The following IGFBPL1 variants were observed in gnomAD, a reference collection of about 807,000 sequenced individuals.
IGFBPL1 encodes the protein insulin-like growth factor-binding protein-like 1.
A neutral mutation model predicts 23.9 loss-of-function variants in IGFBPL1; 20 were observed. That is an observed-to-expected ratio of 0.84 (90% CI 0.59 to 1.22). The LOEUF (loss-of-function observed/expected upper bound fraction) is 1.22. Ranked by LOEUF, IGFBPL1 falls within the 50% of genes most tolerant of loss-of-function variation. The pLI, the probability that IGFBPL1 is intolerant of heterozygous loss-of-function variation, is 0.00. For missense variants in IGFBPL1, 436 were observed against 379.3 expected, an observed-to-expected ratio of 1.15 and a Z score of -1.24; for synonymous variants, 184 against 171.8, an observed-to-expected ratio of 1.07 and a Z score of -0.56.
intron 4 of IGFBPL1, among the ~76,000 whole-genome samples, chr9:38,409,647 T>C (rs936863630): frequency 2.0e-5 from 3 of 152,170 alleles, no homozygotes; most frequent in Non-Finnish European, 2.9e-5. Context: ...AAAATATACG[T>C]GTATTTGAAA....
chr9:38,418,580 G>A (rs530926576), intron 1 of IGFBPL1, among the ~76,000 whole-genome samples: 2 of 152,250 alleles, frequency 1.3e-5, no homozygotes, highest in South Asian at 4.1e-4. Context: ...TACTCTTACT[G>A]TTGCCAGAGC....
chr9:38,414,226 C>CA (rs1563919630), intron 1 of IGFBPL1, 23 bp from the exon 2 acceptor site: 1 of 1,479,760 alleles, frequency 6.8e-7, no homozygotes. Context: ...GACAAGGAGA[C>CA]GCAGCCTTTA....
rs1035972328 is a variant in IGFBPL1, at chr9:38,407,182, G to A, written c.*2045C>T. 3.9e-5 allele frequency among the ~76,000 whole-genome samples: 6 copies of A among 152,226 alleles called. No individual in the cohort carries two copies. Among genetic ancestry groups the A allele is most frequent in the African/African-American group, 1.2e-4 (5 of 41,460 alleles). ...GTGGATGTGAGCAGGTCCCCTGGCAGCTCCAAACCCCAGTAGACAAGAACA... is the reference window on the plus strand; with the variant it reads ...GTGGATGTGAGCAGGTCCCCTGGCAACTCCAAACCCCAGTAGACAAGAACA... On this transcript the variant is annotated 3_prime_UTR_variant, in exon 5 of 5. Coordinates refer to ENST00000377694, the MANE Select transcript of IGFBPL1 (RefSeq NM_001007563.3).
chr9:38,420,330 C>A (rs1462373194), intron 1 of IGFBPL1, among the ~76,000 whole-genome samples: 1 of 152,170 alleles, frequency 6.6e-6, no homozygotes, highest in African/African-American at 2.4e-5. Context: ...TGCTGTGCCT[C>A]CCCCTTGCTA....
At chr9:38,413,213 T>C (rs1397094251) in intron 3 of IGFBPL1, 24 bp downstream of exon 3, 3 of 1,355,018 alleles carry the variant, frequency 2.2e-6, no homozygotes, top group African/African-American at 2.9e-5. Flanking sequence ...CAGTCAATAA[T>C]ATCCAATAAT....
At chr9:38,417,736 C>T (rs1045040550) in intron 1 of IGFBPL1, among the ~76,000 whole-genome samples, 1 of 152,152 alleles carries the variant, frequency 6.6e-6, no homozygotes, top group African/African-American at 2.4e-5. Context: ...AAGAGCCCTC[C>T]CCATGGAGTC....
In IGFBPL1 at chr9:38,414,299, TC is replaced by T. The variant is rs532060142; in HGVS notation, c.461-97del. On this transcript the variant is annotated intron_variant, in intron 1 of 4. Transcript: ENST00000377694. The stretch of plus-strand genomic sequence containing the variant: ...CTGCCGCGGAGAGCCCGCTGTGATG[TC>T]CTGACATGAGGGGAGCGGCACATCA... 5.1e-4 allele frequency: 351 copies of T among 688,420 alleles called. 1 individual carries two copies. In the South Asian group the frequency reaches 6.0e-3, roughly 12 times the overall value. 42.6% of individuals were successfully genotyped at this position (688,420 alleles called of 1,614,324 possible). A position where few individuals can be genotyped will look rare whatever the true frequency, so the allele number is the denominator to read the frequency against.
intron 1 of IGFBPL1, among the ~76,000 whole-genome samples, chr9:38,421,356 C>T (rs1402211167): frequency 6.6e-6 from 1 of 151,244 alleles, no homozygotes; most frequent in Non-Finnish European, 1.5e-5. Flanking sequence ...GTGAGTCTTC[C>T]ATACATGTGT....
In IGFBPL1 at chr9:38,424,442, C is replaced by T. The variant is rs180994107; in HGVS notation, c.-18G>A. 1,774 of 524,540 alleles carry T rather than the reference C, an allele frequency of 3.4e-3. 31 individuals are homozygous for T. Among genetic ancestry groups the T allele is most frequent in the African/African-American group, 0.029 (1,450 of 49,686 alleles). The allele number at this position is 524,540 out of a possible 1,614,324, so 32.5% of individuals were successfully genotyped here. A position where few individuals can be genotyped will look rare whatever the true frequency, so the allele number is the denominator to read the frequency against. On this transcript the variant is annotated 5_prime_UTR_variant, in exon 1 of 5. Coordinates refer to ENST00000377694, the MANE Select transcript of IGFBPL1 (RefSeq NM_001007563.3). ...CGCGGCATGGCTTGCTCCGGGACAG[C>T]GGCGGCGCCTCTGCTTCGCGCTCCG...
At chr9:38,418,090 C>A (rs1196417507) in intron 1 of IGFBPL1, among the ~76,000 whole-genome samples, 7 of 152,212 alleles carry the variant, frequency 4.6e-5, no homozygotes, top group Non-Finnish European at 1.5e-5. Context: ...AACATCACCC[C>A]CAGGGAACAG....
At position 38,414,146 on chromosome 9, in the gene IGFBPL1, C is replaced by A. The variant is rs140070209; in HGVS notation, c.518G>T (p.Gly173Val). The change falls in exon 2 of 5, where the codon GGC becomes GTC. Residue 173 changes from glycine (G) to valine (V), a missense_variant. Gly to Val is a moderately radical substitution (Grantham distance 109). Coordinates refer to ENST00000377694, the MANE Select transcript of IGFBPL1 (RefSeq NM_001007563.3). ...SVHNVTGAQV[G>V]LSCEVRAVPT... ...CACAGCCCTCACTTCACAGGACAGG[C>A]CCACCTGCGCCCCGGTGACGTTGTG... 9.9e-4 allele frequency: 1,597 copies of A among 1,612,334 alleles called. 15 individuals carry two copies. The African/African-American group carries it at 0.018, about 18-fold the overall frequency.
At chr9:38,421,839 G>A (rs904813134) in intron 1 of IGFBPL1, among the ~76,000 whole-genome samples, 2 of 152,158 alleles carry the variant, frequency 1.3e-5, no homozygotes, top group East Asian at 1.9e-4. Flanking sequence ...AACAGTGCCC[G>A]GTTCTGTGGT....
chr9:38,415,065 T>C (rs934784557), intron 1 of IGFBPL1, among the ~76,000 whole-genome samples: 5 of 152,210 alleles, frequency 3.3e-5, no homozygotes, highest in African/African-American at 1.2e-4. Context: ...TTGGGCAACG[T>C]GCAGTGTAGA....
Position 38,413,345 on chromosome 9 carries a change from C to T in IGFBPL1, c.579G>A (p.Lys193=), listed in dbSNP as rs909934634. Residue 193 remains lysine (K), a synonymous_variant, in exon 3 of 5, where the codon AAG becomes AAA. Coordinates refer to ENST00000377694, the MANE Select transcript of IGFBPL1 (RefSeq NM_001007563.3). The part of the protein sequence containing the change: ...TPVITWRKVT[K]SPEGTQALEE... ...CCAGTGCTTGGGTGCCCTCAGGGGA[C>T]TTCGTGACCTACAGGGGACAGGAAT... is the stretch of plus-strand genomic sequence containing the variant. The T allele has an allele frequency of 1.2e-6, 2 of 1,609,190 alleles. No homozygotes were observed. The highest frequency in any genetic ancestry group is 4.5e-5 in the East Asian group (2 of 44,844).
At chr9:38,414,000 T>A (rs1000127974) in intron 2 of IGFBPL1, 94 bp downstream of exon 2, 2 of 810,954 alleles carry the variant, frequency 2.5e-6, no homozygotes, top group Non-Finnish European at 4.2e-6. Context: ...AAGAAAAACA[T>A]TTTTACCACT....
At chr9:38,422,648 C>A (rs1821697306) in intron 1 of IGFBPL1, among the ~76,000 whole-genome samples, 1 of 152,202 alleles carries the variant, frequency 6.6e-6, no homozygotes, top group Admixed American at 6.5e-5. Flanking sequence ...CCAGCGGCAG[C>A]ACAGATGCAC....
chr9:38,420,929 T>C (rs1821670099), intron 1 of IGFBPL1, among the ~76,000 whole-genome samples: 1 of 152,110 alleles, frequency 6.6e-6, no homozygotes, highest in East Asian at 1.9e-4. Context: ...TTTCCTTCCA[T>C]GTGCCTCAGC....
rs905281504 is a variant in IGFBPL1, at chr9:38,417,959, C to T, written c.461-3756G>A. Reference sequence around the variant, plus strand: ...TCATCAATTCTGAGAAGAGTGGAACCCCCCTGAAATCTAAGTCCCCAGATA... The same window carrying T: ...TCATCAATTCTGAGAAGAGTGGAACTCCCCTGAAATCTAAGTCCCCAGATA... On this transcript the variant is annotated intron_variant, in intron 1 of 4. Coordinates refer to ENST00000377694, the MANE Select transcript of IGFBPL1 (RefSeq NM_001007563.3). 3.3e-5 allele frequency among the ~76,000 whole-genome samples: 5 copies of T among 152,262 alleles called. No individual in the cohort carries two copies. The East Asian group carries it at 7.7e-4, about 24-fold the overall frequency.
At chr9:38,419,891 C>CCTTCTT (rs571043680) in intron 1 of IGFBPL1, among the ~76,000 whole-genome samples, 139 of 126,266 alleles carry the variant, frequency 1.1e-3, no homozygotes, top group African/African-American at 2.9e-3. Context: ...TCCTCCTCCT[C>CCTTCTT]CTTCTTCTTC....
Sources: allele counts gnomAD v4.1 joint callset (sites outside exome capture counted in the v4.1 genomes callset), GRCh38; gene constraint gnomAD v4.1.1; transcripts MANE v1.5; gene names NCBI Gene and HGNC (gene_info 2026-07-23, HGNC 2026-07-21).